Variants in GALNTL6 observed in about 807,000 individuals in gnomAD.
GALNTL6 encodes the protein polypeptide N-acetylgalactosaminyltransferase-like 6.
GALNTL6 carries 46 observed loss-of-function variants against 73.7 expected under a neutral mutation model. The ratio of observed to expected loss-of-function variants is 0.62; its 90% CI spans 0.49 to 0.80. The LOEUF is 0.80. Ranked by LOEUF, GALNTL6 falls within the 30% of genes least tolerant of loss-of-function variation. The pLI is 0.00. For missense variants in GALNTL6, 604 were observed against 755.0 expected (o/e 0.80, Z 2.34); for synonymous variants, 259 against 263.7 (o/e 0.98, Z 0.17).
chr4:171,993,790 T>TTA (rs891221682), intron 2 of GALNTL6, among the ~76,000 whole-genome samples: 7 of 150,982 alleles, frequency 4.6e-5, no homozygotes, highest in African/African-American at 7.3e-5. Flanking sequence ...GAGAAAGACA[T>TTA]TATATATATA....
intron 2 of GALNTL6, among the ~76,000 whole-genome samples, chr4:171,867,881 C>T (rs922890766): frequency 6.6e-6 from 1 of 152,102 alleles, no homozygotes; most frequent in Non-Finnish European, 1.5e-5. Flanking sequence ...TATTCATTTC[C>T]TCAAAGGTCT....
At chr4:172,491,871 A>G (rs916045763) in intron 5 of GALNTL6, among the ~76,000 whole-genome samples, 1 of 152,214 alleles carries the variant, frequency 6.6e-6, no homozygotes, top group African/African-American at 2.4e-5. Flanking sequence ...CAAAAGAAAT[A>G]TGGAAATTGA....
intron 5 of GALNTL6, among the ~76,000 whole-genome samples, chr4:172,492,809 T>C (rs930677844): frequency 6.6e-6 from 1 of 152,158 alleles, no homozygotes; most frequent in African/African-American, 2.4e-5. Context: ...TATAACATGC[T>C]TAGGTTTTAA....
chr4:172,812,915 A>C (rs1458343131), intron 6 of GALNTL6, among the ~76,000 whole-genome samples: 1 of 152,198 alleles, frequency 6.6e-6, no homozygotes, highest in South Asian at 2.1e-4. Flanking sequence ...ATATCACCTA[A>C]TACTTTTTCG....
At chr4:172,201,500 G>A (rs1194158992) in intron 2 of GALNTL6, among the ~76,000 whole-genome samples, 1 of 151,436 alleles carries the variant, frequency 6.6e-6, no homozygotes, top group Non-Finnish European at 1.5e-5. Context: ...CCACGGCACC[G>A]GGACTAGTTT....
intron 5 of GALNTL6, among the ~76,000 whole-genome samples, chr4:172,659,523 C>G (rs2111175049): frequency 6.6e-6 from 1 of 150,826 alleles, no homozygotes; most frequent in South Asian, 2.1e-4. Context: ...CCTCTTTATT[C>G]CCCCATCCCC....
At chr4:172,853,977 C>T (rs1196465018) in intron 7 of GALNTL6, among the ~76,000 whole-genome samples, 1 of 152,100 alleles carries the variant, frequency 6.6e-6, no homozygotes, top group Non-Finnish European at 1.5e-5. Context: ...TAACTTCATA[C>T]AAGGCAATTG....
At chr4:172,726,262 A>G (rs578191678) in intron 5 of GALNTL6, among the ~76,000 whole-genome samples, 35 of 152,388 alleles carry the variant, frequency 2.3e-4, no homozygotes, top group African/African-American at 8.2e-4. Context: ...GGTAAGGATC[A>G]AAGGCCAGGT....
At chr4:172,061,754 T>C (rs561052255) in intron 2 of GALNTL6, among the ~76,000 whole-genome samples, 5 of 152,252 alleles carry the variant, frequency 3.3e-5, no homozygotes, top group African/African-American at 1.2e-4. Context: ...CTTTAGGAGA[T>C]GTCTTGATTT....
At chr4:172,171,794 C>G (rs2110823276) in intron 2 of GALNTL6, among the ~76,000 whole-genome samples, 1 of 152,238 alleles carries the variant, frequency 6.6e-6, no homozygotes, top group South Asian at 2.1e-4. Context: ...CAATGCACTC[C>G]AGCCTGGCTG....
chr4:172,377,243 G>A (rs966489441), intron 5 of GALNTL6, among the ~76,000 whole-genome samples: 7 of 152,120 alleles, frequency 4.6e-5, no homozygotes, highest in Non-Finnish European at 7.4e-5. Flanking sequence ...TGATTGGTGC[G>A]TTTACAATCC....
In GALNTL6 at chr4:172,931,150, T is replaced by C. The variant is rs778183877; in HGVS notation, c.1042-11T>C. 6.9e-7 allele frequency: 1 copy of C among 1,445,734 alleles called. No individual in the cohort carries two copies. Among genetic ancestry groups the C allele is most frequent in the Non-Finnish European group, 9.7e-7 (1 of 1,026,440 alleles). The allele number at this position is 1,445,734 out of a possible 1,614,324, so 89.6% of individuals were successfully genotyped here. On this transcript the variant is annotated splice_polypyrimidine_tract_variant and intron_variant, in intron 8 of 12. Coordinates refer to ENST00000506823, the MANE Select transcript of GALNTL6 (RefSeq NM_001034845.3). Reference sequence around the variant, plus strand: ...TCACTGTTGTCTTTTGTTCTATTTTTCCCTCTTCAGGTTTGGATGTGTGGA... The same window carrying C: ...TCACTGTTGTCTTTTGTTCTATTTTCCCCTCTTCAGGTTTGGATGTGTGGA...
At position 172,311,599 on chromosome 4, in the gene GALNTL6, GT is replaced by G. The variant is rs749787527; in HGVS notation, c.248-11del. ...TTTATAGAGATGATAATCTCATTTT[GT>G]TTTCTCCTGCTAGGGAAAGGTGAAC... On this transcript the variant is annotated splice_polypyrimidine_tract_variant and intron_variant, in intron 3 of 12. Transcript: ENST00000506823. 10 of 1,588,282 alleles carry G rather than the reference GT, an allele frequency of 6.3e-6. No individual in the cohort carries two copies. The highest frequency in any genetic ancestry group is 1.7e-4 in the Middle Eastern group (1 of 5,942).
At chr4:171,939,924 A>G (rs990439465) in intron 2 of GALNTL6, among the ~76,000 whole-genome samples, 1 of 152,200 alleles carries the variant, frequency 6.6e-6, no homozygotes, top group Non-Finnish European at 1.5e-5. Flanking sequence ...ATATGGAATC[A>G]TATAATAAAG....
chr4:173,027,487 T>C (rs1317015773), intron 12 of GALNTL6, among the ~76,000 whole-genome samples: 3 of 152,248 alleles, frequency 2.0e-5, no homozygotes. Flanking sequence ...TGTTAAATCC[T>C]CAAGTTTTTA....
chr4:172,132,713 A>G (rs145451976), intron 2 of GALNTL6, among the ~76,000 whole-genome samples: 2 of 152,158 alleles, frequency 1.3e-5, no homozygotes, highest in African/African-American at 4.8e-5. Flanking sequence ...TCATATTGGA[A>G]CCTTTCAGTG....
chr4:172,693,788 T>C (rs1733474733), intron 5 of GALNTL6, among the ~76,000 whole-genome samples: 1 of 152,232 alleles, frequency 6.6e-6, no homozygotes, highest in South Asian at 2.1e-4. Context: ...GTATTTGGTA[T>C]GAAGCCTTGG....
intron 2 of GALNTL6, among the ~76,000 whole-genome samples, chr4:172,178,016 G>A (rs987998988): frequency 6.6e-6 from 1 of 151,710 alleles, no homozygotes; most frequent in Admixed American, 6.6e-5. Context: ...ACTTGAGGCT[G>A]ATTTTTTAAA....
At chr4:172,592,670 G>GTTTATCTA (rs1553963439) in intron 5 of GALNTL6, among the ~76,000 whole-genome samples, 1 of 141,976 alleles carries the variant, frequency 7.0e-6, no homozygotes, top group Non-Finnish European at 1.5e-5. Context: ...CTGTCTGTCT[G>GTTTATCTA]TCTATCTATC....
Sources: allele counts gnomAD v4.1 joint callset (sites outside exome capture counted in the v4.1 genomes callset), GRCh38; gene constraint gnomAD v4.1.1; transcripts MANE v1.5; gene names NCBI Gene and HGNC (gene_info 2026-07-23, HGNC 2026-07-21).